POU2F1: variants seen among roughly 807,000 people sequenced by gnomAD.
POU2F1 encodes the protein POU class 2 homeobox 1.
POU2F1 carries 16 observed loss-of-function variants against 84.9 expected under a neutral mutation model. That is an observed-to-expected ratio of 0.19 (90% confidence interval 0.13 to 0.29). The LOEUF (loss-of-function observed/expected upper bound fraction) is 0.29, where lower values mean the gene tolerates loss of function less well. Ranked by LOEUF, POU2F1 falls within the 10% of genes least tolerant of loss-of-function variation. The pLI is 1.00. For missense variants in POU2F1, 738 were observed against 942.6 expected (o/e 0.78, Z 2.84); for synonymous variants, 368 against 368.3 (o/e 1.00, Z 0.01).
chr1:167,264,518 C>T (rs1207708364), intron 1 of POU2F1, among the ~76,000 whole-genome samples: 1 of 152,036 alleles, frequency 6.6e-6, no homozygotes, highest in Non-Finnish European at 1.5e-5. Context: ...ATATAAAGTA[C>T]ATTGAAAAGA....
chr1:167,272,917 G>A (rs1231022461), intron 1 of POU2F1, among the ~76,000 whole-genome samples: 1 of 152,082 alleles, frequency 6.6e-6, no homozygotes, highest in Non-Finnish European at 1.5e-5. Flanking sequence ...ACAATCCAAA[G>A]TCTTATCTGA....
At chr1:167,415,054 G>T (rs1650211304) in intron 15 of POU2F1, among the ~76,000 whole-genome samples, 1 of 152,154 alleles carries the variant, frequency 6.6e-6, no homozygotes, top group Non-Finnish European at 1.5e-5. Flanking sequence ...CAGGCCTCAG[G>T]CTGTAATGCC....
chr1:167,229,887 C>T (rs905830077), intron 1 of POU2F1, among the ~76,000 whole-genome samples: 1 of 152,168 alleles, frequency 6.6e-6, no homozygotes, highest in Non-Finnish European at 1.5e-5. Context: ...ATACAACTTA[C>T]CTTGATTTCA....
intron 3 of POU2F1, among the ~76,000 whole-genome samples, chr1:167,369,564 T>C (rs1444215820): frequency 6.6e-6 from 1 of 152,212 alleles, no homozygotes; most frequent in Non-Finnish European, 1.5e-5. Flanking sequence ...ATTTGAACTT[T>C]CTGAATGTAT....
intron 2 of POU2F1, among the ~76,000 whole-genome samples, chr1:167,356,890 C>T (rs78127973): frequency 1.5e-4 from 23 of 152,226 alleles, no homozygotes; most frequent in Admixed American, 6.5e-4. Flanking sequence ...GGTGAGCAGG[C>T]GCAGTGTGTT....
rs189747467 is a variant in POU2F1, at chr1:167,410,885, A to G, written c.1556-1074A>G. ...CATATGTCTTGTATTTCTGTTAGAC[A>G]ACACTGATCTCAAACATTAAATAAT... On this transcript the variant is annotated intron_variant, in intron 13 of 15. Coordinates refer to ENST00000367866, the MANE Select transcript of POU2F1 (RefSeq NM_002697.4). Among the ~76,000 whole-genome samples the G allele has an allele frequency of 2.6e-5, 4 of 152,300 alleles. No individual in the cohort carries two copies. In the East Asian group the frequency reaches 7.7e-4, roughly 29 times the overall value.
chr1:167,272,555 A>G (rs576654185), intron 1 of POU2F1, among the ~76,000 whole-genome samples: 1 of 152,272 alleles, frequency 6.6e-6, no homozygotes, highest in South Asian at 2.1e-4. Flanking sequence ...ACTTAGAATC[A>G]TGGCAGAAAC....
intron 1 of POU2F1, among the ~76,000 whole-genome samples, chr1:167,225,841 AT>A (rs1648590286): frequency 6.6e-6 from 1 of 152,048 alleles, no homozygotes; most frequent in Non-Finnish European, 1.5e-5. Flanking sequence ...TTGTTTTTTA[AT>A]TTTGAAACCC....
At chr1:167,246,080 C>A (rs1009052248) in intron 1 of POU2F1, among the ~76,000 whole-genome samples, 4 of 152,150 alleles carry the variant, frequency 2.6e-5, no homozygotes, top group Non-Finnish European at 5.9e-5. Context: ...ATCTAAGATT[C>A]ATGTACAAAA....
intron 1 of POU2F1, among the ~76,000 whole-genome samples, chr1:167,325,905 T>C (rs867577918): frequency 1.5e-4 from 22 of 148,990 alleles, no homozygotes; most frequent in African/African-American, 5.0e-4. Flanking sequence ...AAAAAAAAAC[T>C]AGTAGTGTTA....
chr1:167,358,776 A>G (rs961769900), intron 2 of POU2F1, among the ~76,000 whole-genome samples: 2 of 114,654 alleles, frequency 1.7e-5, no homozygotes, highest in African/African-American at 6.6e-5. Flanking sequence ...CTGGTCTTGA[A>G]CTCCTGGCCT....
At chr1:167,394,980 A>ATAGT (rs1369874502) in intron 9 of POU2F1, among the ~76,000 whole-genome samples, 5 of 152,204 alleles carry the variant, frequency 3.3e-5, no homozygotes, top group African/African-American at 1.2e-4. Context: ...TGTTGCCAGG[A>ATAGT]TAGTTGAGAG....
At chr1:167,360,038 G>C (rs1659250884) in intron 2 of POU2F1, among the ~76,000 whole-genome samples, 1 of 151,416 alleles carries the variant, frequency 6.6e-6, no homozygotes, top group Non-Finnish European at 1.5e-5. Flanking sequence ...TTTTCTTGTT[G>C]ATTTAAGTTC....
At chr1:167,270,027 G>C (rs1052482068) in intron 1 of POU2F1, among the ~76,000 whole-genome samples, 5 of 151,992 alleles carry the variant, frequency 3.3e-5, no homozygotes, top group Middle Eastern at 3.4e-3. Flanking sequence ...TGACCACCTT[G>C]AACTCTCCCT....
intron 1 of POU2F1, among the ~76,000 whole-genome samples, chr1:167,232,403 A>G (rs1252767506): frequency 2.0e-5 from 3 of 152,238 alleles, no homozygotes; most frequent in Non-Finnish European, 4.4e-5. Context: ...GTTAACAAAA[A>G]CATTTAAAAG....
intron 1 of POU2F1, among the ~76,000 whole-genome samples, chr1:167,274,019 T>C (rs1347677067): frequency 1.3e-5 from 2 of 152,374 alleles, no homozygotes; most frequent in Admixed American, 1.3e-4. Flanking sequence ...GAGCAAACTC[T>C]TGATTTATTC....
chr1:167,416,087 T>TAAAAAAAA lies in POU2F1; in HGVS notation c.*289_*296dup, dbSNP rs34032944. The TAAAAAAAA allele has an allele frequency of 6.0e-5, 21 of 351,648 alleles. No individual in the cohort carries two copies. Among genetic ancestry groups the TAAAAAAAA allele is most frequent in the Admixed American group, 9.2e-5 (2 of 21,766 alleles). 21.8% of individuals were successfully genotyped at this position (351,648 alleles called of 1,614,324 possible). Reference sequence around the variant, plus strand: ...ATTGGAGAACTTTCTAACCAAAAATTAAAAAAAAAAAAAAAAAAAGAAACA... The same window carrying TAAAAAAAA: ...ATTGGAGAACTTTCTAACCAAAAATTAAAAAAAAAAAAAAAAAAAAAAAAAAAGAAACA... On this transcript the variant is annotated 3_prime_UTR_variant, in exon 16 of 16. Coordinates refer to ENST00000367866, the MANE Select transcript of POU2F1 (RefSeq NM_002697.4).
chr1:167,349,300 A>G (rs114646528), intron 2 of POU2F1, among the ~76,000 whole-genome samples: 2,493 of 152,110 alleles, frequency 0.016, 26 homozygotes, highest in Non-Finnish European at 0.025. Context: ...TCAGTAGCCT[A>G]TGTGGTATCT....
At chr1:167,347,139 A>C (rs1169289327) in intron 2 of POU2F1, among the ~76,000 whole-genome samples, 3 of 152,230 alleles carry the variant, frequency 2.0e-5, no homozygotes, top group African/African-American at 7.2e-5. Context: ...TCGGAAATTT[A>C]GTCTATTGGT....
Sources: gnomAD v4.1 joint callset for allele counts (sites outside exome capture counted in the v4.1 genomes callset) on GRCh38, gnomAD v4.1.1 for gene constraint, MANE v1.5 for transcripts, NCBI Gene and HGNC (gene_info 2026-07-23, HGNC 2026-07-21) for gene names.